The following CETP variants were observed in gnomAD, a reference collection of about 807,000 sequenced individuals.
CETP encodes BPI fold containing family F.
In CETP, 56 loss-of-function variants were observed where a neutral mutation model predicts 66.5. That is an observed-to-expected ratio of 0.84 (90% CI 0.68 to 1.05). The LOEUF (loss-of-function observed/expected upper bound fraction) is 1.05. CETP is among the 50% of genes least tolerant of loss of function. CETP has a pLI of 0.00. For missense variants in CETP, 612 were observed against 609.6 expected (o/e 1.00, Z -0.04); for synonymous variants, 251 against 245.7 (o/e 1.02, Z -0.20).
intron 2 of CETP, among the ~76,000 whole-genome samples, chr16:56,968,073 A>C (rs60545348): frequency 0.25 from 38,109 of 151,772 alleles, 5,329 homozygotes; most frequent in East Asian, 0.4. Flanking sequence ...TTTATTTTTA[A>C]TTTTTGTGAG....
chr16:56,975,164 T>C lies in CETP; in HGVS notation c.981+13T>C, dbSNP rs2056140825. 1.2e-6 allele frequency: 2 copies of C among 1,613,562 alleles called. No homozygotes were observed. Among genetic ancestry groups the C allele is most frequent in the East Asian group, 2.2e-5 (1 of 44,884 alleles). Reference sequence around the variant, plus strand: ...AATCTTCCAAGAGGTAACTGCCCCCTGCCCCTGTGTGGGGTTTATCTCACG... The same window carrying C: ...AATCTTCCAAGAGGTAACTGCCCCCCGCCCCTGTGTGGGGTTTATCTCACG... On this transcript the variant is annotated intron_variant, in intron 10 of 15. Transcript: ENST00000200676.
intron 11 of CETP, among the ~76,000 whole-genome samples, chr16:56,978,505 G>C (rs2056166319): frequency 6.6e-6 from 1 of 151,988 alleles, no homozygotes; most frequent in African/African-American, 2.4e-5. Flanking sequence ...TTTAGAGACA[G>C]GGTCTCACTC....
At chr16:56,973,288 G>A (rs1392345722) in intron 8 of CETP, 43 bp from the exon 9 acceptor site, 1 of 1,608,842 alleles carries the variant, frequency 6.2e-7, no homozygotes, top group Admixed American at 1.7e-5. Flanking sequence ...CCTGAGCCCA[G>A]TAGGGACACA....
intron 10 of CETP, among the ~76,000 whole-genome samples, chr16:56,975,724 T>G (rs1210541701): frequency 8.2e-6 from 1 of 121,972 alleles, no homozygotes; most frequent in South Asian, 2.7e-4. Flanking sequence ...TCCCTCAGCT[T>G]TCTGGTCACC....
intron 2 of CETP, 120 bp from the exon 3 acceptor site, chr16:56,969,266 G>C: frequency 1.6e-6 from 2 of 1,289,914 alleles, no homozygotes; most frequent in South Asian, 2.4e-5. Flanking sequence ...CTGTGGATTA[G>C]GAGGACATTT....
In CETP at chr16:56,981,114, C is replaced by T. The variant is rs200094281; in HGVS notation, c.1147-44C>T. On this transcript the variant is annotated intron_variant, in intron 11 of 15. Coordinates refer to ENST00000200676, the MANE Select transcript of CETP (RefSeq NM_000078.3). ...GAGCTAGGAGGGTTGCTCTCTGCTT[C>T]GGGAAGAGCCCTGGCTCACAGCAAA... is the stretch of plus-strand genomic sequence containing the variant. 27 of 1,447,976 alleles carry T rather than the reference C, an allele frequency of 1.9e-5. No individual in the cohort carries two copies. The Admixed American group carries it at 3.0e-4, about 16-fold the overall frequency. 89.7% of individuals were successfully genotyped at this position (1,447,976 alleles called of 1,614,324 possible).
rs1170114827 is a variant in CETP, at chr16:56,981,189, C to T, written c.1178C>T (p.Ser393Phe). The change falls in exon 12 of 16, where the codon TCT (serine) becomes TTT (phenylalanine). Residue 393 changes from serine (S) to phenylalanine (F), a missense_variant. Transcript: ENST00000200676. Reference sequence around the variant, plus strand: ...GTGACTACCGTCCAGGCCTCCTATTCTAAGAAAAAGCTCTTCTTAAGCCTC... The same window carrying T: ...GTGACTACCGTCCAGGCCTCCTATTTTAAGAAAAAGCTCTTCTTAAGCCTC... The part of the protein sequence containing the change: ...DIVTTVQASY[S>F]KKKLFLSLLD... The T allele has an allele frequency of 6.2e-7, 1 of 1,613,776 alleles. No homozygotes were observed. Among genetic ancestry groups the T allele is most frequent in the Non-Finnish European group, 8.5e-7 (1 of 1,179,782 alleles).
intron 2 of CETP, 57 bp from the exon 3 acceptor site, chr16:56,969,329 C>G: frequency 6.2e-7 from 1 of 1,611,676 alleles, no homozygotes; most frequent in South Asian, 1.1e-5. Flanking sequence ...TGGAGGCTCA[C>G]TCCTTGGGCT....
At position 56,975,167 on chromosome 16, in the gene CETP, C is replaced by T; in HGVS notation, c.981+16C>T. 6.2e-7 allele frequency: 1 copy of T among 1,613,448 alleles called. No homozygotes were observed. Among genetic ancestry groups the T allele is most frequent in the South Asian group, 1.1e-5 (1 of 91,070 alleles). ...CTTCCAAGAGGTAACTGCCCCCTGC[C>T]CCTGTGTGGGGTTTATCTCACGTAC... On this transcript the variant is annotated intron_variant, in intron 10 of 15. Transcript: ENST00000200676.
In CETP at chr16:56,981,683, A is replaced by G. The variant is rs1251394899; in HGVS notation, c.1248+3A>G. ...AGACTGTTTCCAACTTGACTGAGGTAGGTAGTCTTGGATAGACTGGGGGAA... is the reference window on the plus strand; with the variant it reads ...AGACTGTTTCCAACTTGACTGAGGTGGGTAGTCTTGGATAGACTGGGGGAA... On this transcript the variant is annotated splice_donor_region_variant and intron_variant, in intron 13 of 15. Coordinates refer to ENST00000200676, the MANE Select transcript of CETP (RefSeq NM_000078.3). The G allele has an allele frequency of 6.2e-6, 10 of 1,613,776 alleles. No individual in the cohort carries two copies. Among genetic ancestry groups the G allele is most frequent in the Admixed American group, 1.7e-5 (1 of 60,004 alleles).
chr16:56,981,554 G>A, intron 12 of CETP, 93 bp from the exon 13 acceptor site: 3 of 1,411,900 alleles, frequency 2.1e-6, no homozygotes, highest in Non-Finnish European at 3.0e-6. Context: ...TGAGACAGAA[G>A]CACTGGCTGC....
intron 1 of CETP, 106 bp from the exon 2 acceptor site, chr16:56,962,904 G>T: frequency 1.1e-6 from 1 of 939,782 alleles, no homozygotes; most frequent in African/African-American, 1.6e-5. Flanking sequence ...AGACCTGCTG[G>T]GAGCCTCATC....
At chr16:56,969,043 G>T (rs1236965241) in intron 2 of CETP, among the ~76,000 whole-genome samples, 1 of 151,722 alleles carries the variant, frequency 6.6e-6, no homozygotes, top group African/African-American at 2.4e-5. Flanking sequence ...CTCTCTCCGG[G>T]CGTTCTTCCC....
At chr16:56,963,168 G>T (rs371399686) in intron 2 of CETP, 44 bp downstream of exon 2, 1 of 1,489,464 alleles carries the variant, frequency 6.7e-7, no homozygotes, top group African/African-American at 1.4e-5. Context: ...GTAGGGAGGC[G>T]GGAGGAACAG....
intron 8 of CETP, among the ~76,000 whole-genome samples, chr16:56,972,568 A>G (rs2056120007): frequency 6.6e-6 from 1 of 152,216 alleles, no homozygotes; most frequent in African/African-American, 2.4e-5. Context: ...TCAGGCACGC[A>G]GGCCCCTTCC....
At chr16:56,973,533 C>T (rs777935460) in intron 9 of CETP, 23 bp downstream of exon 9, 4 of 1,613,472 alleles carry the variant, frequency 2.5e-6, no homozygotes, top group African/African-American at 2.7e-5. Flanking sequence ...GGCTGGGCTG[C>T]TAGGGGATCC....
intron 4 of CETP, 80 bp from the exon 5 acceptor site, chr16:56,969,834 G>A (rs1436663930): frequency 1.9e-6 from 3 of 1,558,604 alleles, no homozygotes; most frequent in Admixed American, 3.5e-5. Flanking sequence ...AGCTGGCCAA[G>A]CTCTTGACTG....
chr16:56,969,357 C>T, intron 2 of CETP, 29 bp from the exon 3 acceptor site: 2 of 1,612,936 alleles, frequency 1.2e-6, no homozygotes, highest in Non-Finnish European at 1.7e-6. Flanking sequence ...TGACCCCCAA[C>T]ATCCTTCCTC....
chr16:56,975,103 A>G lies in CETP; in HGVS notation c.933A>G (p.Ala311=). ...MLSLMGDEFK[A]VLETWGFNTN... ...CCAACTTCCTCATTTCTTTTCAGGC[A>G]GTGCTGGAGACCTGGGGCTTCAACA... The change falls in exon 10 of 16, where the codon GCA becomes GCG. Residue 311 remains alanine (A), a splice_region_variant and synonymous_variant. Transcript: ENST00000200676. The G allele has an allele frequency of 6.2e-7, 1 of 1,614,074 alleles. No individual in the cohort carries two copies. The highest frequency in any genetic ancestry group is 8.5e-7 in the Non-Finnish European group (1 of 1,179,964).
Sources: allele counts gnomAD v4.1 joint callset (sites outside exome capture counted in the v4.1 genomes callset), GRCh38; gene constraint gnomAD v4.1.1; transcripts MANE v1.5; gene names NCBI Gene and HGNC (gene_info 2026-07-23, HGNC 2026-07-21).